MTMR3: variants seen among roughly 807,000 people sequenced by gnomAD.
MTMR3 encodes phosphatidylinositol-3,5-bisphosphate 3-phosphatase MTMR3.
In MTMR3, 32 loss-of-function variants were observed where a neutral mutation model predicts 132.4. The observed-to-expected ratio is 0.24, with a 90% CI of 0.18 to 0.32. MTMR3 has a LOEUF of 0.32. Ranked by LOEUF, MTMR3 falls within the 10% of genes least tolerant of loss-of-function variation. MTMR3 has a pLI of 1.00. For synonymous variants in MTMR3, 556 were observed against 550.3 expected (o/e 1.01, Z -0.14); for missense variants, 1,216 against 1,489.6 (o/e 0.82, Z 3.02).
chr22:29,988,408 G>T, intron 5 of MTMR3, 72 bp from the exon 6 acceptor site: 2 of 1,107,710 alleles, frequency 1.8e-6, no homozygotes, highest in South Asian at 1.5e-5. Flanking sequence ...AATTAGTCTT[G>T]TTGGACACAT....
At chr22:29,887,173 T>C (rs2064695176) in intron 1 of MTMR3, among the ~76,000 whole-genome samples, 2 of 152,186 alleles carry the variant, frequency 1.3e-5, no homozygotes, top group Non-Finnish European at 1.5e-5. Context: ...GTATCAGATA[T>C]TAAAAATGAA....
At chr22:30,022,215 C>T (rs1455343873) in intron 18 of MTMR3, 76 bp downstream of exon 18, 4 of 1,210,804 alleles carry the variant, frequency 3.3e-6, no homozygotes, top group Non-Finnish European at 4.8e-6. Flanking sequence ...ATTCCCACCC[C>T]ATACCCCTGG....
rs2067971648 is a variant in MTMR3 at position 30,029,368 on chromosome 22, A to G, written c.*3567A>G. ...GAGATTCTCTATGAGGATGTACAGAAAAGTTTTCCTGTAATAATTTTGCTT... is the reference window on the plus strand; with the variant it reads ...GAGATTCTCTATGAGGATGTACAGAGAAGTTTTCCTGTAATAATTTTGCTT... On this transcript the variant is annotated 3_prime_UTR_variant, in exon 20 of 20. Coordinates refer to ENST00000401950, the MANE Select transcript of MTMR3 (RefSeq NM_021090.4). The G allele has an allele frequency of 6.6e-6, 1 of 152,374 alleles. No individual in the cohort carries two copies. Among genetic ancestry groups the G allele is most frequent in the Non-Finnish European group, 1.5e-5 (1 of 68,042 alleles). The allele number at this position is 152,374 out of a possible 1,614,324, so 9.4% of individuals were successfully genotyped here.
At chr22:29,964,549 C>T (rs910226494) in intron 2 of MTMR3, among the ~76,000 whole-genome samples, 1 of 152,112 alleles carries the variant, frequency 6.6e-6, no homozygotes, top group Non-Finnish European at 1.5e-5. Flanking sequence ...TTAACTATTT[C>T]TTGTCTCCTC....
chr22:29,968,105 A>T (rs1413071316), intron 2 of MTMR3, among the ~76,000 whole-genome samples: 1 of 152,108 alleles, frequency 6.6e-6, no homozygotes, highest in Non-Finnish European at 1.5e-5. Context: ...TTAGGTATAT[A>T]CCCAGGAGTG....
intron 1 of MTMR3, among the ~76,000 whole-genome samples, chr22:29,934,285 C>T (rs1426060994): frequency 1.3e-5 from 2 of 151,896 alleles, no homozygotes; most frequent in East Asian, 1.9e-4. Context: ...ACCTGGGAGG[C>T]GGGGCTTGCA....
intron 17 of MTMR3, 45 bp from the exon 18 acceptor site, chr22:30,021,981 GGGA>G: frequency 6.8e-7 from 1 of 1,469,002 alleles, no homozygotes; most frequent in Non-Finnish European, 9.5e-7. Flanking sequence ...TTCTTCTTTT[GGGA>G]GGAGACCAGG....
At chr22:29,920,735 A>AC (rs2065394262) in intron 1 of MTMR3, among the ~76,000 whole-genome samples, 1 of 152,194 alleles carries the variant, frequency 6.6e-6, no homozygotes, top group African/African-American at 2.4e-5. Flanking sequence ...CTTTCAGTGT[A>AC]TAAATTGCAT....
intron 7 of MTMR3, chr22:29,994,311 A>G: frequency 5.3e-6 from 1 of 187,380 alleles, no homozygotes; most frequent in Non-Finnish European, 9.6e-6. Context: ...GGTTGAATGT[A>G]TGTGTATGTA....
chr22:29,941,955 T>C (rs1039876568), intron 1 of MTMR3, among the ~76,000 whole-genome samples: 3 of 152,074 alleles, frequency 2.0e-5, no homozygotes, highest in African/African-American at 7.2e-5. Flanking sequence ...TGCACCCCAG[T>C]GTAGGCAACA....
chr22:29,979,186 T>C, intron 5 of MTMR3, 134 bp downstream of exon 5: 2 of 654,136 alleles, frequency 3.1e-6, no homozygotes, highest in Non-Finnish European at 5.3e-6. Flanking sequence ...TCTCACTTAA[T>C]TTAGCACTCA....
chr22:29,893,997 C>T (rs1658730174), intron 1 of MTMR3, among the ~76,000 whole-genome samples: 1 of 152,066 alleles, frequency 6.6e-6, no homozygotes, highest in Admixed American at 6.6e-5. Context: ...AGGCAGAAGC[C>T]ACCACAGCCA....
intron 1 of MTMR3, among the ~76,000 whole-genome samples, chr22:29,940,425 T>G (rs2065835828): frequency 7.1e-6 from 1 of 141,580 alleles, no homozygotes; most frequent in African/African-American, 3.2e-5. Context: ...GAATCTTTTC[T>G]TGGACTCAGC....
At chr22:30,023,284 GA>G in intron 19 of MTMR3, 1 of 663,746 alleles carries the variant, frequency 1.5e-6, no homozygotes, top group South Asian at 1.8e-5. Flanking sequence ...CTTAGAAGAG[GA>G]AGTTTATCTG....
intron 1 of MTMR3, among the ~76,000 whole-genome samples, chr22:29,917,836 A>G (rs1602470026): frequency 6.6e-6 from 1 of 152,264 alleles, no homozygotes; most frequent in South Asian, 2.1e-4. Flanking sequence ...TCATTTATAC[A>G]TAAATTGACA....
intron 1 of MTMR3, among the ~76,000 whole-genome samples, chr22:29,942,496 T>C (rs39712): frequency 0.78 from 118,806 of 152,034 alleles, 46,861 homozygotes; most frequent in East Asian, 0.91. Context: ...AGCAGACAAC[T>C]GGTCTGACCA....
chr22:30,018,764 T>C (rs938648201), intron 16 of MTMR3: 1 of 151,466 alleles, frequency 6.6e-6, no homozygotes, highest in Non-Finnish European at 1.5e-5. Flanking sequence ...AAAGAAAATT[T>C]GGCTTTGTCA....
intron 7 of MTMR3, 134 bp from the exon 8 acceptor site, chr22:29,998,627 A>G (rs1601397845): frequency 2.3e-6 from 1 of 437,054 alleles, no homozygotes; most frequent in Non-Finnish European, 3.9e-6. Flanking sequence ...TATGTGACAG[A>G]GTGGAATCCT....
intron 1 of MTMR3, among the ~76,000 whole-genome samples, chr22:29,898,921 T>TC (rs2064954402): frequency 1.3e-5 from 2 of 151,924 alleles, no homozygotes; most frequent in East Asian, 3.9e-4. Context: ...TCTTTTTTTT[T>TC]TTTTTTAATG....
Sources: allele counts gnomAD v4.1 joint callset (sites outside exome capture counted in the v4.1 genomes callset), GRCh38; gene constraint gnomAD v4.1.1; transcripts MANE v1.5; gene names NCBI Gene and HGNC (gene_info 2026-07-23, HGNC 2026-07-21).